The following TESMIN variants were observed in gnomAD, a reference collection of about 807,000 sequenced individuals.
The protein encoded by TESMIN is CXC domain containing 2.
In TESMIN, 34 loss-of-function variants were observed where a neutral mutation model predicts 47.4. The observed-to-expected ratio is 0.72, with a 90% CI of 0.55 to 0.96. The LOEUF is 0.96. Among genes scored for constraint, TESMIN ranks in the 40% least tolerant of loss-of-function variants. The pLI is 0.00. For synonymous variants in TESMIN, 278 were observed against 258.9 expected, an observed-to-expected ratio of 1.07 and a Z score of -0.71; for missense variants, 610 against 637.2, an observed-to-expected ratio of 0.96 and a Z score of 0.46.
chr11:68,736,973 C>A, intron 6 of TESMIN: 3 of 985,242 alleles, frequency 3.0e-6, no homozygotes, highest in South Asian at 9.4e-5. Flanking sequence ...TGGGAGAGCA[C>A]GCAATTAAAG....
intron 3 of TESMIN, 169 bp downstream of exon 3, chr11:68,747,039 G>A (rs1946529417): frequency 1.5e-6 from 1 of 648,768 alleles, no homozygotes; most frequent in Admixed American, 2.6e-5. Context: ...AATCTTAGAG[G>A]TGAGATGTGA....
At chr11:68,747,434 A>C (rs1395883622) in intron 2 of TESMIN, 68 bp from the exon 3 acceptor site, 1 of 1,390,172 alleles carries the variant, frequency 7.2e-7, no homozygotes, top group African/African-American at 1.4e-5. Flanking sequence ...TGCATAATTT[A>C]GAAAATTGAA....
downstream of TESMIN, among the ~76,000 whole-genome samples, chr11:68,705,621 C>A (rs1470360115): frequency 6.6e-6 from 1 of 152,208 alleles, no homozygotes; most frequent in Non-Finnish European, 1.5e-5. Flanking sequence ...TATGAAAAAA[C>A]AAGGTTTTTT....
At chr11:68,750,066 G>A (rs976677797) in intron 2 of TESMIN, 124 bp downstream of exon 2, 2 of 735,352 alleles carry the variant, frequency 2.7e-6, no homozygotes, top group South Asian at 4.8e-5. Context: ...GACTCCGGTG[G>A]GCTGTGTGTG....
rs1291329395 is a variant in TESMIN at position 68,715,859 on chromosome 11, A to C, written c.998T>G (p.Ile333Ser). The change falls in exon 7 of 10, where the codon ATT becomes AGT. Residue 333 changes from isoleucine (I) to serine (S), a missense_variant. By Grantham distance (142) the Ile-to-Ser change is moderately radical (BLOSUM62 -2). Transcript: ENST00000255087. ...NNCCNNLHHD[I>S]ERFKAIKACL... ...TACCTTAATGGCTTTAAACCGTTCA[A>C]TATCATGATGCAAGTTGTTGCAACA... is the stretch of plus-strand genomic sequence containing the variant. 1 of 1,610,262 alleles carries C rather than the reference A, an allele frequency of 6.2e-7. No individual in the cohort carries two copies. Among genetic ancestry groups the C allele is most frequent in the South Asian group, 1.1e-5 (1 of 90,982 alleles).
chr11:68,711,763 G>A (rs1946075800), intron 8 of TESMIN, among the ~76,000 whole-genome samples: 2 of 152,188 alleles, frequency 1.3e-5, no homozygotes, highest in African/African-American at 4.8e-5. Context: ...CTGTGGCTGG[G>A]AGCTGTCAGG....
downstream of TESMIN, among the ~76,000 whole-genome samples, chr11:68,706,215 G>A (rs998024426): frequency 3.3e-5 from 5 of 152,160 alleles, no homozygotes; most frequent in African/African-American, 9.7e-5. Flanking sequence ...CTTTATGCAC[G>A]TCTGTATCTC....
Position 68,734,730 on chromosome 11 carries a change from T to A in TESMIN, c.917+3970A>T, listed in dbSNP as rs117656362. Among the ~76,000 whole-genome samples the A allele has an allele frequency of 2.1e-4, 32 of 152,348 alleles. No individual in the cohort carries two copies. In the East Asian group the frequency reaches 4.2e-3, roughly 20 times the overall value. ...AGAACAGCACCTGGCACACAGTCCG[T>A]GCTTGCTGTCAGCCTCGCGCCATCT... On this transcript the variant is annotated intron_variant, in intron 6 of 9. Coordinates refer to ENST00000255087, the MANE Select transcript of TESMIN (RefSeq NM_004923.3).
At chr11:68,735,888 A>G (rs777203433) in intron 6 of TESMIN, among the ~76,000 whole-genome samples, 6 of 152,256 alleles carry the variant, frequency 3.9e-5, no homozygotes, top group Non-Finnish European at 7.3e-5. Context: ...TTGAAATAAC[A>G]GCGCCAGTAA....
chr11:68,747,373 A>C lies in TESMIN; in HGVS notation c.472-7T>G. 3 of 1,608,684 alleles carry C rather than the reference A, an allele frequency of 1.9e-6. No homozygotes were observed. The highest frequency in any genetic ancestry group is 2.6e-6 in the Non-Finnish European group (3 of 1,175,158). The stretch of plus-strand genomic sequence containing the variant: ...CTGCTTCCTTGATTTCAACCTAGAA[A>C]AAAGCAATAATTATTTTAGAGAACA... On this transcript the variant is annotated splice_region_variant and splice_polypyrimidine_tract_variant and intron_variant, in intron 2 of 9. Transcript: ENST00000255087.
intron 7 of TESMIN, among the ~76,000 whole-genome samples, chr11:68,714,726 G>A (rs562361384): frequency 6.6e-5 from 10 of 152,170 alleles, no homozygotes; most frequent in Admixed American, 3.9e-4. Flanking sequence ...GAACATTCCC[G>A]TACAAATCTC....
chr11:68,717,023 A>G (rs1946147953), intron 6 of TESMIN, among the ~76,000 whole-genome samples: 1 of 152,154 alleles, frequency 6.6e-6, no homozygotes, highest in Non-Finnish European at 1.5e-5. Context: ...CCAGTCCCAA[A>G]GCGCTGCTGA....
Position 68,710,917 on chromosome 11 carries a change from G to T in TESMIN, c.1291C>A (p.Pro431Thr), listed in dbSNP as rs1594283310. ...GGAAGTCCTGAAAATTTCGTTGGTGGCAGGTAATGGCTGCCTTCCAAACCT... is the reference window on the plus strand; with the variant it reads ...GGAAGTCCTGAAAATTTCGTTGGTGTCAGGTAATGGCTGCCTTCCAAACCT... ...TGGLEGSHYL[P>T]PTKFSGLPRF... The change falls in exon 9 of 10, where the codon CCA becomes ACA. Residue 431 changes from proline (P) to threonine (T), a missense_variant. Transcript: ENST00000255087. 2 of 1,613,714 alleles carry T rather than the reference G, an allele frequency of 1.2e-6. No individual in the cohort carries two copies. Among genetic ancestry groups the T allele is most frequent in the African/African-American group, 2.7e-5 (2 of 74,898 alleles).
At chr11:68,718,794 C>T (rs1946171381) in intron 6 of TESMIN, among the ~76,000 whole-genome samples, 1 of 152,202 alleles carries the variant, frequency 6.6e-6, no homozygotes, top group African/African-American at 2.4e-5. Flanking sequence ...CCACTAGCAA[C>T]ATTGGAAGCT....
chr11:68,726,251 T>C (rs561308377), intron 6 of TESMIN, among the ~76,000 whole-genome samples: 2 of 152,286 alleles, frequency 1.3e-5, no homozygotes, highest in East Asian at 3.9e-4. Flanking sequence ...GTGTGTGTGA[T>C]CCTGGCTGGT....
chr11:68,745,767 G>A (rs999499447), intron 3 of TESMIN, among the ~76,000 whole-genome samples: 4 of 152,174 alleles, frequency 2.6e-5, no homozygotes, highest in Non-Finnish European at 5.9e-5. Context: ...GACCCCCCTT[G>A]GATACTGACC....
chr11:68,719,646 AC>A (rs1301921687), intron 6 of TESMIN, among the ~76,000 whole-genome samples: 1 of 152,246 alleles, frequency 6.6e-6, no homozygotes, highest in Admixed American at 6.5e-5. Flanking sequence ...TTGTCAGGGT[AC>A]TACTATGTTT....
intron 6 of TESMIN, among the ~76,000 whole-genome samples, chr11:68,722,930 A>G (rs1042912019): frequency 1.3e-5 from 2 of 152,226 alleles, no homozygotes; most frequent in Non-Finnish European, 2.9e-5. Context: ...AAATAGAATT[A>G]TAAGGAAAAA....
intron 6 of TESMIN, among the ~76,000 whole-genome samples, chr11:68,719,180 C>G (rs1026066224): frequency 1.4e-4 from 21 of 152,346 alleles, no homozygotes; most frequent in Admixed American, 5.9e-4. Flanking sequence ...GCCTTCACGA[C>G]AGGACTGACA....
Sources: allele counts gnomAD v4.1 joint callset (sites outside exome capture counted in the v4.1 genomes callset), GRCh38; gene constraint gnomAD v4.1.1; transcripts MANE v1.5; gene names NCBI Gene and HGNC (gene_info 2026-07-23, HGNC 2026-07-21).